CADM2: variants seen among roughly 807,000 people sequenced by gnomAD.
CADM2 encodes cell adhesion molecule 2.
Under a neutral mutation model 49.8 loss-of-function variants are expected in CADM2, and 12 were observed. The observed-to-expected ratio is 0.24, with a 90% CI of 0.15 to 0.39. The LOEUF (loss-of-function observed/expected upper bound fraction) is 0.39, where lower values mean the gene tolerates loss of function less well. Ranked by LOEUF, CADM2 falls within the 10% of genes least tolerant of loss-of-function variation. CADM2 has a pLI of 1.00. For missense variants in CADM2, 378 were observed against 492.3 expected (o/e 0.77, Z 2.20); for synonymous variants, 214 against 175.4 (o/e 1.22, Z -1.74).
intron 1 of CADM2, among the ~76,000 whole-genome samples, chr3:85,388,611 G>A (rs1475374330): frequency 1.3e-5 from 2 of 152,098 alleles, no homozygotes; most frequent in Non-Finnish European, 2.9e-5. Flanking sequence ...ACCAAGGGAA[G>A]CAGTGCAATG....
At chr3:85,841,143 A>T (rs9830554) in intron 3 of CADM2, among the ~76,000 whole-genome samples, 105,312 of 151,368 alleles carry the variant, frequency 0.7, 37,807 homozygotes, top group African/African-American at 0.89. Context: ...TATATTATAA[A>T]CTCTTGATAA....
intron 1 of CADM2, among the ~76,000 whole-genome samples, chr3:85,148,969 A>T (rs1200388455): frequency 6.6e-6 from 1 of 152,052 alleles, no homozygotes; most frequent in Non-Finnish European, 1.5e-5. Context: ...GTTCAAACCC[A>T]TGTTGTTGTT....
intron 1 of CADM2, among the ~76,000 whole-genome samples, chr3:85,589,377 A>G (rs1301799471): frequency 1.3e-5 from 2 of 151,956 alleles, no homozygotes; most frequent in African/African-American, 2.4e-5. Flanking sequence ...GTCGTGGTCC[A>G]ATAGAAAAGA....
chr3:85,977,964 A>C (rs888779925), intron 8 of CADM2, among the ~76,000 whole-genome samples: 1 of 151,624 alleles, frequency 6.6e-6, no homozygotes, highest in Non-Finnish European at 1.5e-5. Context: ...AAAGTACTAG[A>C]AAATGTTTGG....
chr3:85,026,248 T>C (rs1369702420), intron 1 of CADM2, among the ~76,000 whole-genome samples: 1 of 152,168 alleles, frequency 6.6e-6, no homozygotes, highest in Admixed American at 6.5e-5. Flanking sequence ...TAATTTCCAT[T>C]GTATGGAGTG....
intron 1 of CADM2, among the ~76,000 whole-genome samples, chr3:85,456,361 A>G (rs2037989806): frequency 6.6e-6 from 1 of 152,130 alleles, no homozygotes; most frequent in Non-Finnish European, 1.5e-5. Flanking sequence ...ACCACACAAT[A>G]CTATAGCCAG....
intron 1 of CADM2, among the ~76,000 whole-genome samples, chr3:84,995,107 A>G (rs2033107874): frequency 6.6e-6 from 1 of 152,208 alleles, no homozygotes; most frequent in African/African-American, 2.4e-5. Flanking sequence ...TTTTTATAAA[A>G]TCTTTCTAAA....
chr3:84,970,615 T>C (rs757036035), intron 1 of CADM2, among the ~76,000 whole-genome samples: 31 of 152,050 alleles, frequency 2.0e-4, no homozygotes, highest in Admixed American at 6.6e-5. Context: ...CGGAAATCAC[T>C]CTGTCATCCT....
intron 1 of CADM2, among the ~76,000 whole-genome samples, chr3:84,969,436 T>C (rs2031252497): frequency 6.6e-6 from 1 of 151,910 alleles, no homozygotes; most frequent in African/African-American, 2.4e-5. Context: ...TGATTTTGTC[T>C]ATTCTGTGAT....
chr3:85,653,997 C>G (rs901086992), intron 1 of CADM2, among the ~76,000 whole-genome samples: 1 of 152,174 alleles, frequency 6.6e-6, no homozygotes, highest in African/African-American at 2.4e-5. Context: ...TGTGAATTGG[C>G]CATCGGATTT....
At chr3:85,088,534 A>C (rs917877228) in intron 1 of CADM2, among the ~76,000 whole-genome samples, 6 of 152,110 alleles carry the variant, frequency 3.9e-5, no homozygotes, top group African/African-American at 7.2e-5. Flanking sequence ...ATATCCTCAG[A>C]ATCAAGAGAG....
chr3:86,038,701 A>G (rs969366375), intron 8 of CADM2, among the ~76,000 whole-genome samples: 1 of 152,212 alleles, frequency 6.6e-6, no homozygotes, highest in Non-Finnish European at 1.5e-5. Context: ...AACCCTTTAT[A>G]TAAGTAAATT....
chr3:85,288,451 T>C (rs2043690608), intron 1 of CADM2, among the ~76,000 whole-genome samples: 1 of 152,130 alleles, frequency 6.6e-6, no homozygotes, highest in African/African-American at 2.4e-5. Flanking sequence ...ACATATATTC[T>C]GCAAAGAAAA....
intron 1 of CADM2, among the ~76,000 whole-genome samples, chr3:85,291,286 T>A (rs888193659): frequency 4.6e-5 from 7 of 151,666 alleles, no homozygotes; most frequent in Non-Finnish European, 7.4e-5. Flanking sequence ...TATGGGACTA[T>A]GAGAAAAGAC....
chr3:85,041,717 T>C (rs2035450837), intron 1 of CADM2, among the ~76,000 whole-genome samples: 1 of 152,204 alleles, frequency 6.6e-6, no homozygotes, highest in African/African-American at 2.4e-5. Context: ...TGTGTGGTTT[T>C]ATCCCCAGAG....
At chr3:85,102,834 T>A (rs2038062784) in intron 1 of CADM2, among the ~76,000 whole-genome samples, 1 of 152,128 alleles carries the variant, frequency 6.6e-6, no homozygotes, top group Non-Finnish European at 1.5e-5. Context: ...CCCATAGTAG[T>A]ATATTTTACT....
chr3:85,330,937 A>G (rs1011952012), intron 1 of CADM2, among the ~76,000 whole-genome samples: 4 of 152,096 alleles, frequency 2.6e-5, no homozygotes, highest in Admixed American at 1.3e-4. Context: ...ACTTCATTCT[A>G]CATGACAGAG....
At chr3:85,801,780 A>G (rs958376878) in intron 2 of CADM2, among the ~76,000 whole-genome samples, 5 of 152,184 alleles carry the variant, frequency 3.3e-5, no homozygotes, top group African/African-American at 7.2e-5. Context: ...TAATATTACT[A>G]TTTGAATATA....
chr3:85,189,950 A>ATTTTTTTTT, intron 1 of CADM2, among the ~76,000 whole-genome samples: 1 of 71,074 alleles, frequency 1.4e-5, no homozygotes, highest in Non-Finnish European at 2.7e-5. Context: ...GGTCTCCCTC[A>ATTTTTTTTT]TTTTTTTTTT....
Sources: allele counts gnomAD v4.1 joint callset (sites outside exome capture counted in the v4.1 genomes callset), GRCh38; gene constraint gnomAD v4.1.1; transcripts MANE v1.5; gene names NCBI Gene and HGNC (gene_info 2026-07-23, HGNC 2026-07-21).